Variants in DNAH5 observed in about 807,000 individuals in gnomAD.
The protein encoded by DNAH5 is dynein axonemal heavy chain 5.
A neutral mutation model predicts 518.2 loss-of-function variants in DNAH5; 372 were observed. That is an observed-to-expected ratio of 0.72 (90% confidence interval 0.66 to 0.78). DNAH5 has a LOEUF of 0.78. Ranked by LOEUF, DNAH5 falls within the 30% of genes least tolerant of loss-of-function variation. The pLI, the probability that DNAH5 is intolerant of heterozygous loss-of-function variation, is 0.00. For missense variants in DNAH5, 5,523 were observed against 5,687.0 expected, an observed-to-expected ratio of 0.97 and a Z score of 0.93; for synonymous variants, 2,039 against 2,025.9, an observed-to-expected ratio of 1.01 and a Z score of -0.17.
chr5:13,976,985 T>A (rs1782309114), intron 1 of DNAH5, among the ~76,000 whole-genome samples: 1 of 152,212 alleles, frequency 6.6e-6, no homozygotes, highest in Admixed American at 6.5e-5. Flanking sequence ...AAATTTATTT[T>A]GTCTCAATTC....
intron 40 of DNAH5, 41 bp downstream of exon 40, chr5:13,823,222 G>A (rs1471080407): frequency 2.3e-6 from 3 of 1,313,126 alleles, no homozygotes; most frequent in Non-Finnish European, 2.2e-6. Flanking sequence ...AAATTCAGAT[G>A]AAACAGACAC....
intron 16 of DNAH5, among the ~76,000 whole-genome samples, chr5:13,893,137 G>A (rs1773485788): frequency 6.6e-6 from 1 of 152,078 alleles, no homozygotes; most frequent in Non-Finnish European, 1.5e-5. Flanking sequence ...GGAAAGTGCG[G>A]TGAAAATCTA....
chr5:13,971,439 G>A (rs980881236), intron 1 of DNAH5, among the ~76,000 whole-genome samples: 1 of 152,138 alleles, frequency 6.6e-6, no homozygotes, highest in African/African-American at 2.4e-5. Context: ...AAGGGCTGCT[G>A]TTCAGATTCT....
At chr5:13,989,180 T>C (rs1325768956) in intron 1 of DNAH5, among the ~76,000 whole-genome samples, 3 of 152,048 alleles carry the variant, frequency 2.0e-5, no homozygotes, top group Non-Finnish European at 2.9e-5. Context: ...TGTAGGGATA[T>C]TGTGATAACA....
intron 69 of DNAH5, 26 bp from the exon 70 acceptor site, chr5:13,727,682 G>C (rs759209995): frequency 3.5e-5 from 57 of 1,613,402 alleles, no homozygotes; most frequent in Non-Finnish European, 4.7e-5. Context: ...GATAAAAACT[G>C]TGTCATGCCA....
intron 31 of DNAH5, among the ~76,000 whole-genome samples, chr5:13,846,064 C>T (rs1046478599): frequency 1.1e-4 from 17 of 150,210 alleles, no homozygotes; most frequent in Middle Eastern, 3.4e-3. Context: ...GTCTCTAACT[C>T]GTGACCTCAA....
upstream of DNAH5, among the ~76,000 whole-genome samples, chr5:13,947,372 A>G (rs1780012979): frequency 6.6e-6 from 1 of 152,160 alleles, no homozygotes; most frequent in East Asian, 1.9e-4. Flanking sequence ...GGTCAGACAG[A>G]CCTGAACTTA....
At chr5:13,751,041 A>G in intron 65 of DNAH5, 37 bp downstream of exon 65, 1 of 1,604,620 alleles carries the variant, frequency 6.2e-7, no homozygotes, top group Non-Finnish European at 8.5e-7. Context: ...ATGACATTAA[A>G]GCAATGCAGA....
chr5:13,867,628 T>C lies in DNAH5; in HGVS notation c.4053+146A>G. ...GGGAAAGAATTGTGAAAAAAAATGT[T>C]TTTCTCTCATGAAAATAAAATTCCC... On this transcript the variant is annotated intron_variant, in intron 25 of 78. Transcript: ENST00000265104. 6 of 741,916 alleles carry C rather than the reference T, an allele frequency of 8.1e-6. No homozygotes were observed. In the South Asian group the frequency reaches 9.2e-5, roughly 11 times the overall value. 46.0% of individuals were successfully genotyped at this position (741,916 alleles called of 1,614,324 possible).
At chr5:13,718,015 AG>A (rs1273381695) in intron 72 of DNAH5, among the ~76,000 whole-genome samples, 2 of 152,010 alleles carry the variant, frequency 1.3e-5, no homozygotes, top group Non-Finnish European at 2.9e-5. Context: ...ATATATAATT[AG>A]ATTTATTTAT....
At position 13,894,671 on chromosome 5, in the gene DNAH5, C is replaced by G. The variant is rs767404896; in HGVS notation, c.2410G>C (p.Glu804Gln). ...TTACTGATCTTTGCAAAAGTGTTTT[C>G]TAAATAAGCCTCAATATTCAGTGAT... is the stretch of plus-strand genomic sequence containing the variant. ...WTSLNIEAYL[E>Q]NTFAKIKDLE... is the part of the protein sequence containing the mutation. The change falls in exon 16 of 79, where the codon GAA becomes CAA. Residue 804 changes from glutamate to glutamine, a missense_variant. Physicochemically the swap from Glu to Gln is conservative, Grantham distance 29 (BLOSUM62 2). Coordinates refer to ENST00000265104, the MANE Select transcript of DNAH5 (RefSeq NM_001369.3). 1.9e-6 allele frequency: 3 copies of G among 1,614,006 alleles called. No individual in the cohort carries two copies. The South Asian group carries it at 3.3e-5, about 18-fold the overall frequency.
At chr5:13,902,757 T>C (rs938980061) in intron 12 of DNAH5, among the ~76,000 whole-genome samples, 1 of 152,038 alleles carries the variant, frequency 6.6e-6, no homozygotes, top group Non-Finnish European at 1.5e-5. Flanking sequence ...CACACCTAGA[T>C]AAGGGGTCCA....
At position 13,894,807 on chromosome 5, in the gene DNAH5, T is replaced by C. The variant is rs1267946811; in HGVS notation, c.2274A>G (p.Glu758=). ...NFSNMKMMLA[E]YQRVKSKIPA... ...GTATTTTTGACTTCACTCTCTGATA[T>C]TCAGCTAGCATCATCTGCAATGAAA... is the stretch of plus-strand genomic sequence containing the variant. Residue 758 remains glutamate, a synonymous_variant, in exon 16 of 79, where the codon GAA becomes GAG. Coordinates refer to ENST00000265104, the MANE Select transcript of DNAH5 (RefSeq NM_001369.3). The C allele has an allele frequency of 1.9e-6, 3 of 1,613,716 alleles. No homozygotes were observed. The highest frequency in any genetic ancestry group is 2.5e-6 in the Non-Finnish European group (3 of 1,179,952).
chr5:13,726,382 G>A (rs1358276256), intron 70 of DNAH5, among the ~76,000 whole-genome samples: 1 of 152,214 alleles, frequency 6.6e-6, no homozygotes, highest in Non-Finnish European at 1.5e-5. Context: ...AGGAGAACAG[G>A]TATGAGGCCA....
chr5:13,797,148 C>A (rs908645733), intron 47 of DNAH5, among the ~76,000 whole-genome samples: 1 of 152,276 alleles, frequency 6.6e-6, no homozygotes, highest in African/African-American at 2.4e-5. Context: ...TGGGCAAGGA[C>A]TTCATGACTA....
At chr5:13,938,551 A>C (rs138628456) in intron 1 of DNAH5, among the ~76,000 whole-genome samples, 2 of 149,872 alleles carry the variant, frequency 1.3e-5, no homozygotes, top group Admixed American at 6.7e-5. Flanking sequence ...TATATATAAA[A>C]AATGTAAATA....
chr5:13,930,881 C>T (rs181528968), intron 2 of DNAH5, among the ~76,000 whole-genome samples: 24 of 152,314 alleles, frequency 1.6e-4, no homozygotes, highest in Admixed American at 7.8e-4. Context: ...ACAATGCCAT[C>T]AGAATCACGG....
chr5:13,857,957 A>G (rs1272297036), intron 30 of DNAH5, among the ~76,000 whole-genome samples: 1 of 152,228 alleles, frequency 6.6e-6, no homozygotes, highest in African/African-American at 2.4e-5. Context: ...ATGGGCAAAG[A>G]CTTAATGACT....
intron 75 of DNAH5, among the ~76,000 whole-genome samples, chr5:13,713,436 TA>T (rs1743848980): frequency 6.6e-5 from 3 of 45,420 alleles, no homozygotes; most frequent in South Asian, 1.5e-3. Flanking sequence ...TACATCGACA[TA>T]TATATATATA....
Sources: gnomAD v4.1 joint callset for allele counts (sites outside exome capture counted in the v4.1 genomes callset) on GRCh38, gnomAD v4.1.1 for gene constraint, MANE v1.5 for transcripts, NCBI Gene and HGNC (gene_info 2026-07-23, HGNC 2026-07-21) for gene names.